HEPACAM: variants seen among roughly 807,000 people sequenced by gnomAD.
HEPACAM encodes hepatocyte cell adhesion molecule.
In HEPACAM, 18 loss-of-function variants were observed where a neutral mutation model predicts 38.3. The ratio of observed to expected loss-of-function variants is 0.47; its 90% confidence interval spans 0.33 to 0.70. The LOEUF is 0.70. Ranked by LOEUF, HEPACAM falls within the 30% of genes least tolerant of loss-of-function variation. The pLI, the probability that HEPACAM is intolerant of heterozygous loss-of-function variation, is 0.03. For synonymous variants in HEPACAM, 216 were observed against 243.1 expected (o/e 0.89, Z 1.04); for missense variants, 466 against 563.0 (o/e 0.83, Z 1.74).
intron 1 of HEPACAM, among the ~76,000 whole-genome samples, chr11:124,929,673 C>G (rs1947259793): frequency 6.6e-6 from 1 of 152,074 alleles, no homozygotes; most frequent in Non-Finnish European, 1.5e-5. Flanking sequence ...GAGATCTCAG[C>G]AAGTTGTACC....
rs898335064 is a variant in HEPACAM at position 124,921,991 on chromosome 11, G to A, written c.948+397C>T. ...GGGAGCGGCAGAGCAGGAGGTGAGC[G>A]GTAGGCCAGAGAGCAAAGCTTCATA... On this transcript the variant is annotated intron_variant, in intron 6 of 6. Coordinates refer to ENST00000298251, the MANE Select transcript of HEPACAM (RefSeq NM_152722.5). The surrounding 1 kb of genome is among the most constrained non-coding windows in gnomAD (Gnocchi z 4.6). Among the ~76,000 whole-genome samples the A allele has an allele frequency of 2.0e-5, 3 of 152,236 alleles. No individual in the cohort carries two copies. The highest frequency in any genetic ancestry group is 4.8e-5 in the African/African-American group (2 of 41,474).
chr11:124,928,592 G>T (rs934774109), intron 1 of HEPACAM, among the ~76,000 whole-genome samples: 1 of 152,108 alleles, frequency 6.6e-6, no homozygotes, highest in Non-Finnish European at 1.5e-5. Flanking sequence ...GCTGGGCACT[G>T]CTTATGACAA....
Position 124,920,185 on chromosome 11 carries a change from C to T in HEPACAM, c.*953G>A. On this transcript the variant is annotated 3_prime_UTR_variant, in exon 7 of 7. Coordinates refer to ENST00000298251, the MANE Select transcript of HEPACAM (RefSeq NM_152722.5). ...TGGAGATTAGGACTTATTCTCACAG[C>T]TGGAGGAAGCTCAACAACTTTCCTG... 1.1e-6 allele frequency: 1 copy of T among 897,336 alleles called. No homozygotes were observed. Among genetic ancestry groups the T allele is most frequent in the Non-Finnish European group, 1.7e-6 (1 of 590,916 alleles). 55.6% of individuals were successfully genotyped at this position (897,336 alleles called of 1,614,324 possible).
Position 124,921,991 on chromosome 11 carries a change from G to C in HEPACAM, c.948+397C>G, listed in dbSNP as rs898335064. 6.6e-6 allele frequency among the ~76,000 whole-genome samples: 1 copy of C among 152,236 alleles called. No individual in the cohort carries two copies. Among genetic ancestry groups the C allele is most frequent in the African/African-American group, 2.4e-5 (1 of 41,474 alleles). On this transcript the variant is annotated intron_variant, in intron 6 of 6. Coordinates refer to ENST00000298251, the MANE Select transcript of HEPACAM (RefSeq NM_152722.5). This position sits in a 1 kb window ranked among gnomAD's most constrained non-coding sequence, Gnocchi z 4.6. Reference sequence around the variant, plus strand: ...GGGAGCGGCAGAGCAGGAGGTGAGCGGTAGGCCAGAGAGCAAAGCTTCATA... The same window carrying C: ...GGGAGCGGCAGAGCAGGAGGTGAGCCGTAGGCCAGAGAGCAAAGCTTCATA...
At position 124,920,527 on chromosome 11, in the gene HEPACAM, C is replaced by T. The variant is rs1175765106; in HGVS notation, c.*611G>A. On this transcript the variant is annotated 3_prime_UTR_variant, in exon 7 of 7. Transcript: ENST00000298251. ...ACCCTTCCCTCACCACCTTGTAGGT[C>T]CCCAGGTACCAGGTGCCCAGGGAAG... The T allele has an allele frequency of 1.4e-6, 2 of 1,432,460 alleles. No individual in the cohort carries two copies. Among genetic ancestry groups the T allele is most frequent in the Non-Finnish European group, 9.3e-7 (1 of 1,076,048 alleles). The allele number at this position is 1,432,460 out of a possible 1,614,324, so 88.7% of individuals were successfully genotyped here.
At position 124,924,116 on chromosome 11, in the gene HEPACAM, C is replaced by T. The variant is rs191902557; in HGVS notation, c.428-106G>A. ...ACACACCTTTAACACTACCTTCCAA[C>T]TCAATCTGTGGGCTGAGAAGACTTC... On this transcript the variant is annotated intron_variant, in intron 2 of 6. Transcript: ENST00000298251. This position sits in a 1 kb window ranked among gnomAD's most constrained non-coding sequence, Gnocchi z 4.4. 46 of 1,100,600 alleles carry T rather than the reference C, an allele frequency of 4.2e-5. No individual in the cohort carries two copies. The highest frequency in any genetic ancestry group is 5.5e-5 in the Non-Finnish European group (41 of 751,928). The allele number at this position is 1,100,600 out of a possible 1,614,324, so 68.2% of individuals were successfully genotyped here.
rs886047925 is a variant in HEPACAM, at chr11:124,920,678, C to CGGG, written c.*459_*460insCCC. ...AAGTGGCCTCTCTAATCTGAACTTGCAAAAAAAAAAAAAAAAAAAAAAAAA... is the reference window on the plus strand; with the variant it reads ...AAGTGGCCTCTCTAATCTGAACTTGCGGGAAAAAAAAAAAAAAAAAAAAAAAAA... On this transcript the variant is annotated 3_prime_UTR_variant, in exon 7 of 7. Coordinates refer to ENST00000298251, the MANE Select transcript of HEPACAM (RefSeq NM_152722.5). 8.7e-6 allele frequency: 5 copies of CGGG among 575,258 alleles called. No individual in the cohort carries two copies. The African/African-American group carries it at 1.9e-4, about 21-fold the overall frequency. The allele number at this position is 575,258 out of a possible 1,614,324, so 35.6% of individuals were successfully genotyped here. A position where few individuals can be genotyped will look rare whatever the true frequency, so the allele number is the denominator to read the frequency against.
chr11:124,922,905 C>T (rs2135398075), intron 4 of HEPACAM, 87 bp from the exon 5 acceptor site: 2 of 1,349,478 alleles, frequency 1.5e-6, no homozygotes, highest in South Asian at 1.2e-5. Context: ...ATCTGATGGC[C>T]ATAAAAGAGG....
At chr11:124,922,690 C>G in intron 5 of HEPACAM, 55 bp downstream of exon 5, 1 of 1,614,226 alleles carries the variant, frequency 6.2e-7, no homozygotes, top group Non-Finnish European at 8.5e-7. Context: ...CTTTTCCCAG[C>G]AGCCCACTGA....
chr11:124,935,789 C>T, intron 1 of HEPACAM, 133 bp downstream of exon 1: 1 of 763,744 alleles, frequency 1.3e-6, no homozygotes, highest in Middle Eastern at 2.4e-4. Context: ...AATTCCCTGA[C>T]ATGTTTCCCA....
At chr11:124,931,811 T>C (rs1777546518) in intron 1 of HEPACAM, among the ~76,000 whole-genome samples, 1 of 152,188 alleles carries the variant, frequency 6.6e-6, no homozygotes, top group South Asian at 2.1e-4. Context: ...AAAGCCCCGA[T>C]GGGGCTAAGT....
intron 6 of HEPACAM, 89 bp downstream of exon 6, chr11:124,922,299 G>T: frequency 7.5e-7 from 1 of 1,339,922 alleles, no homozygotes. Context: ...CTGCTATAAA[G>T]GGATAGGAAT....
Position 124,928,405 on chromosome 11 carries a change from G to C in HEPACAM, c.86-3336C>G, listed in dbSNP as rs149146997. ...TCATGAGCTTTATTAAAGGCCACTG[G>C]GGTGATGATCAAATAGCTGGGGAAC... On this transcript the variant is annotated intron_variant, in intron 1 of 6. Coordinates refer to ENST00000298251, the MANE Select transcript of HEPACAM (RefSeq NM_152722.5). 1.5e-3 allele frequency among the ~76,000 whole-genome samples: 236 copies of C among 152,284 alleles called. 1 individual carries two copies. The Middle Eastern group carries it at 0.017, about 11-fold the overall frequency.
chr11:124,922,351 C>G lies in HEPACAM; in HGVS notation c.948+37G>C, dbSNP rs1198718133. 1.9e-6 allele frequency: 3 copies of G among 1,580,550 alleles called. No homozygotes were observed. The African/African-American group carries it at 4.0e-5, about 21-fold the overall frequency. On this transcript the variant is annotated intron_variant, in intron 6 of 6. Coordinates refer to ENST00000298251, the MANE Select transcript of HEPACAM (RefSeq NM_152722.5). ...GCATCAGGCATGTGGGAGGGGATCA[C>G]TGCATGTTTCTGGGCACCCAGTCCA... is the stretch of plus-strand genomic sequence containing the variant.
In HEPACAM at chr11:124,923,753, G is replaced by A. The variant is rs148233252; in HGVS notation, c.685C>T (p.Leu229=). ...CTGTATACGGTGATCTTGACAGGCA[G>A]GCTGCGGCCCTGGCTGATGGGGTTC... ...VENPISQGRS[L]PVKITVYRRS... The change falls in exon 3 of 7, where the codon CTG becomes TTG. Residue 229 remains leucine, a synonymous_variant. Transcript: ENST00000298251. The A allele has an allele frequency of 8.1e-6, 13 of 1,614,212 alleles. No individual in the cohort carries two copies. The highest frequency in any genetic ancestry group is 7.6e-6 in the Non-Finnish European group (9 of 1,180,042).
Position 124,935,810 on chromosome 11 carries a change from A to G in HEPACAM, c.85+112T>C, listed in dbSNP as rs1947337953. On this transcript the variant is annotated intron_variant, in intron 1 of 6. Coordinates refer to ENST00000298251, the MANE Select transcript of HEPACAM (RefSeq NM_152722.5). ...CTGACATGTTTCCCACGGCAGCTGAACTCTCCCCCACTCCTGCCCCAAAGG... is the reference window on the plus strand; with the variant it reads ...CTGACATGTTTCCCACGGCAGCTGAGCTCTCCCCCACTCCTGCCCCAAAGG... 54 of 834,806 alleles carry G rather than the reference A, an allele frequency of 6.5e-5. No homozygotes were observed. The South Asian group carries it at 7.5e-4, about 12-fold the overall frequency. The allele number at this position is 834,806 out of a possible 1,614,324, so 51.7% of individuals were successfully genotyped here. A position where few individuals can be genotyped will look rare whatever the true frequency, so the allele number is the denominator to read the frequency against.
chr11:124,922,240 A>C, intron 6 of HEPACAM, 148 bp downstream of exon 6: 1 of 844,674 alleles, frequency 1.2e-6, no homozygotes. Flanking sequence ...TCCATGGAAA[A>C]ATTTTCTTCC....
chr11:124,922,554 C>T (rs1947154747), intron 5 of HEPACAM, 96 bp from the exon 6 acceptor site: 1 of 1,598,098 alleles, frequency 6.3e-7, no homozygotes, highest in African/African-American at 1.3e-5. Context: ...CCCGCCACAA[C>T]CTCCACCAAC....
intron 4 of HEPACAM, 94 bp from the exon 5 acceptor site, chr11:124,922,912 G>A: frequency 7.8e-7 from 1 of 1,275,948 alleles, no homozygotes; most frequent in Non-Finnish European, 1.1e-6. Flanking sequence ...GGCCATAAAA[G>A]AGGCCTTGTG....
Sources: gnomAD v4.1 joint callset for allele counts (sites outside exome capture counted in the v4.1 genomes callset) on GRCh38, gnomAD v4.1.1 for gene constraint, Gnocchi (gnomAD v3.1) non-coding constraint, MANE v1.5 for transcripts, NCBI Gene and HGNC (gene_info 2026-07-23, HGNC 2026-07-21) for gene names.